RBFOX1: variants seen among roughly 807,000 people sequenced by gnomAD.
RBFOX1 encodes RNA binding fox-1 homolog 1, also known as RNA binding protein fox-1 homolog 1.
Under a neutral mutation model 57.7 loss-of-function variants are expected in RBFOX1, and 8 were observed. The ratio of observed to expected loss-of-function variants is 0.14; its 90% confidence interval spans 0.08 to 0.25. The LOEUF (loss-of-function observed/expected upper bound fraction) is 0.25. RBFOX1 is among the 10% of genes least tolerant of loss of function. The pLI is 1.00. For synonymous variants in RBFOX1, 326 were observed against 222.4 expected, an observed-to-expected ratio of 1.47 and a Z score of -4.15; for missense variants, 611 against 548.5, an observed-to-expected ratio of 1.11 and a Z score of -1.14.
At chr16:5,426,431 A>C (rs75260213) in intron 1 of RBFOX1, among the ~76,000 whole-genome samples, 1 of 152,180 alleles carries the variant, frequency 6.6e-6, no homozygotes, top group Non-Finnish European at 1.5e-5. Flanking sequence ...CTAAAACCGT[A>C]CCCAGCGTTT....
rs565434005 is a variant in RBFOX1 at position 5,559,704 on chromosome 16, C to T, written c.259-39198C>T. Among the ~76,000 whole-genome samples, 14 of 152,298 alleles carry T rather than the reference C, an allele frequency of 9.2e-5. No homozygotes were observed. The South Asian group carries it at 2.1e-3, about 23-fold the overall frequency. ...TGGAATGTAAATAAACTTCCCAAAT[C>T]TCTTTCTTCCTAGGTCATTCTGTCT... On this transcript the variant is annotated intron_variant, in intron 2 of 2. Coordinates refer to the RBFOX1 transcript ENST00000585867.
At chr16:6,710,186 T>C (rs2063477651) in intron 3 of RBFOX1, among the ~76,000 whole-genome samples, 2 of 152,144 alleles carry the variant, frequency 1.3e-5, no homozygotes. Context: ...TCTAATTTGG[T>C]TTAACTTCTC....
At chr16:5,420,281 G>T (rs1041004448) in intron 1 of RBFOX1, among the ~76,000 whole-genome samples, 1 of 152,122 alleles carries the variant, frequency 6.6e-6, no homozygotes, top group Non-Finnish European at 1.5e-5. Context: ...GGTAACCAGG[G>T]AATAGTAAGA....
At chr16:6,808,117 A>G (rs913102659) in intron 3 of RBFOX1, among the ~76,000 whole-genome samples, 5 of 149,864 alleles carry the variant, frequency 3.3e-5, no homozygotes, top group African/African-American at 1.2e-4. Flanking sequence ...GGATGTAGCA[A>G]TATGCATAGA....
At chr16:5,531,357 G>C (rs1567199404) in intron 2 of RBFOX1, among the ~76,000 whole-genome samples, 1 of 152,128 alleles carries the variant, frequency 6.6e-6, no homozygotes, top group Non-Finnish European at 1.5e-5. Flanking sequence ...GGCCAGTTTT[G>C]ATTACCGTTT....
At chr16:7,674,626 G>C (rs2072703581) in intron 13 of RBFOX1, among the ~76,000 whole-genome samples, 1 of 152,180 alleles carries the variant, frequency 6.6e-6, no homozygotes, top group African/African-American at 2.4e-5. Context: ...GTCTTGTCTG[G>C]AAACACACAT....
rs533430547 is a variant in RBFOX1, at chr16:6,481,828, C to T, written c.-64+164771C>T. Among the ~76,000 whole-genome samples, 4 of 152,126 alleles carry T rather than the reference C, an allele frequency of 2.6e-5. No individual in the cohort carries two copies. In the East Asian group the frequency reaches 7.7e-4, roughly 29 times the overall value. ...CCACTGACCCTGTAAGAAAGGCAGG[C>T]AGAGAGAACACAAATAGAATTTTGT... On this transcript the variant is annotated intron_variant, in intron 2 of 15. Transcript: ENST00000550418.
chr16:5,914,488 C>T (rs2058666613), intron 4 of RBFOX1, among the ~76,000 whole-genome samples: 1 of 152,142 alleles, frequency 6.6e-6, no homozygotes, highest in African/African-American at 2.4e-5. Context: ...CTTGTAAGCT[C>T]ACTCATGTGG....
At chr16:7,345,322 C>T (rs982725195) in intron 4 of RBFOX1, among the ~76,000 whole-genome samples, 6 of 152,172 alleles carry the variant, frequency 3.9e-5, no homozygotes, top group Non-Finnish European at 5.9e-5. Flanking sequence ...GAGGGGCCTG[C>T]TCTCGGGGAG....
chr16:6,623,443 CTTTTTTTT>C lies in RBFOX1; in HGVS notation c.-63-31154_-63-31147del, dbSNP rs57896155. On this transcript the variant is annotated intron_variant, in intron 2 of 15. Transcript: ENST00000550418. ...TGCTGCATATTGTTAGGTGAAAATTCTTTTTTTTTTTTTATTATACTTTAAGTTTTAGG... is the reference window on the plus strand; with the variant it reads ...TGCTGCATATTGTTAGGTGAAAATTCTTTTTATTATACTTTAAGTTTTAGG... 2.7e-5 allele frequency among the ~76,000 whole-genome samples: 4 copies of C among 149,228 alleles called. No individual in the cohort carries two copies. In the East Asian group the frequency reaches 7.9e-4, roughly 30 times the overall value.
intron 13 of RBFOX1, among the ~76,000 whole-genome samples, chr16:7,672,165 T>G (rs569788481): frequency 6.6e-6 from 1 of 152,330 alleles, no homozygotes; most frequent in African/African-American, 2.4e-5. Context: ...TTATAGCTTT[T>G]AAACCTATTT....
At chr16:7,041,794 G>C (rs75856084) in intron 3 of RBFOX1, among the ~76,000 whole-genome samples, 14,288 of 152,080 alleles carry the variant, frequency 0.094, 1,115 homozygotes, top group East Asian at 0.32. Context: ...AACCTCCTGT[G>C]TCATTAATTT....
At chr16:5,847,262 T>C (rs1388937712) in intron 3 of RBFOX1, among the ~76,000 whole-genome samples, 1 of 151,542 alleles carries the variant, frequency 6.6e-6, no homozygotes, top group Non-Finnish European at 1.5e-5. Flanking sequence ...GAAGGACACA[T>C]AGTTGGGAAC....
At chr16:7,052,922 A>G (rs555030600) in intron 4 of RBFOX1, among the ~76,000 whole-genome samples, 4 of 152,344 alleles carry the variant, frequency 2.6e-5, no homozygotes, top group African/African-American at 7.2e-5. Context: ...AATGTGCCTT[A>G]TAGCCATGTT....
chr16:7,108,559 C>T (rs190782121), intron 4 of RBFOX1, among the ~76,000 whole-genome samples: 59 of 152,084 alleles, frequency 3.9e-4, no homozygotes, highest in Admixed American at 3.7e-3. Context: ...TCTGTATGTG[C>T]CTGTAATTGT....
At chr16:6,342,767 A>G (rs2084760306) in intron 2 of RBFOX1, among the ~76,000 whole-genome samples, 2 of 152,128 alleles carry the variant, frequency 1.3e-5, no homozygotes, top group African/African-American at 2.4e-5. Context: ...GGAGATAGGA[A>G]CCTTATCAAG....
rs181595744 is a variant in RBFOX1, at chr16:5,946,479, G to T, written c.351+79144G>T. Among the ~76,000 whole-genome samples the T allele has an allele frequency of 6.6e-6, 1 of 152,334 alleles. No homozygotes were observed. Among genetic ancestry groups the T allele is most frequent in the African/African-American group, 2.4e-5 (1 of 41,582 alleles). On this transcript the variant is annotated intron_variant, in intron 4 of 19. Transcript: ENST00000641259. The surrounding 1 kb of genome is among the most constrained non-coding windows in gnomAD (Gnocchi z 4.6). ...CCAAGATCTCTGCTCTCATGGAATG[G>T]GAGTGCCTCATGGTGGGGTGCCTGG...
At chr16:6,241,997 T>A (rs2097542393) in intron 1 of RBFOX1, among the ~76,000 whole-genome samples, 1 of 152,098 alleles carries the variant, frequency 6.6e-6, no homozygotes, top group Non-Finnish European at 1.5e-5. Context: ...AAAAGAACAT[T>A]CATATTTTGC....
At chr16:6,745,984 A>G (rs981272272) in intron 3 of RBFOX1, among the ~76,000 whole-genome samples, 1 of 152,230 alleles carries the variant, frequency 6.6e-6, no homozygotes, top group African/African-American at 2.4e-5. Flanking sequence ...TATATATTAC[A>G]CAAATTGGAA....
Sources: allele counts gnomAD v4.1 joint callset (sites outside exome capture counted in the v4.1 genomes callset), GRCh38; gene constraint gnomAD v4.1.1; non-coding constraint Gnocchi (gnomAD v3.1); transcripts MANE v1.5; gene names NCBI Gene and HGNC (gene_info 2026-07-23, HGNC 2026-07-21).